CNTNAP3: variants seen among roughly 807,000 people sequenced by gnomAD.
CNTNAP3 encodes the protein contactin associated protein family member 3.
Under a neutral mutation model 92.1 loss-of-function variants are expected in CNTNAP3, and 36 were observed. The observed-to-expected ratio is 0.39, with a 90% CI of 0.30 to 0.52. CNTNAP3 has a LOEUF of 0.52. Ranked by LOEUF, CNTNAP3 falls within the 20% of genes least tolerant of loss-of-function variation. The probability of loss-of-function intolerance (pLI) is 0.76; values close to 1 mark genes in which losing one functional copy is unlikely to be tolerated. For synonymous variants in CNTNAP3, 232 were observed against 422.3 expected (o/e 0.55, Z 5.53); for missense variants, 534 against 1,069.6 (o/e 0.50, Z 6.98).
intron 13 of CNTNAP3, among the ~76,000 whole-genome samples, chr9:39,120,799 T>C (rs1180131249): frequency 1.3e-5 from 2 of 152,154 alleles, no homozygotes; most frequent in African/African-American, 4.8e-5. Context: ...TAACAAAGGA[T>C]TCTTGGAACA....
At chr9:39,255,590 A>G (rs1822838348) in intron 2 of CNTNAP3, among the ~76,000 whole-genome samples, 1 of 66,124 alleles carries the variant, frequency 1.5e-5, no homozygotes, top group African/African-American at 3.2e-5. Flanking sequence ...TCATATACTA[A>G]TTTTTTAATT....
At chr9:39,098,302 A>C (rs1356126704) in intron 18 of CNTNAP3, among the ~76,000 whole-genome samples, 2 of 150,340 alleles carry the variant, frequency 1.3e-5, no homozygotes, top group Admixed American at 6.6e-5. Flanking sequence ...ATACACATAC[A>C]CACACCCCCC....
rs1245361465 is a variant in CNTNAP3, at chr9:39,067,551, C to T, written c.*6339G>A. On this transcript the variant is annotated 3_prime_UTR_variant, in exon 24 of 24. Transcript: ENST00000297668. ...TAGCTGGGACTTCAGGCGCCCAACA[C>T]CACGCCCGGCTAATTTTTGTATGTT... Among the ~76,000 whole-genome samples the T allele has an allele frequency of 4.6e-5, 7 of 152,372 alleles. No homozygotes were observed. Among genetic ancestry groups the T allele is most frequent in the South Asian group, 4.1e-4 (2 of 4,832 alleles).
At chr9:39,083,054 G>C (rs2055492247) in intron 21 of CNTNAP3, among the ~76,000 whole-genome samples, 1 of 142,680 alleles carries the variant, frequency 7.0e-6, no homozygotes, top group Non-Finnish European at 1.5e-5. Flanking sequence ...ATAGGTTGAT[G>C]AATTTTAAAA....
intron 11 of CNTNAP3, among the ~76,000 whole-genome samples, chr9:39,141,519 A>G (rs1390264733): frequency 6.6e-6 from 1 of 152,204 alleles, no homozygotes; most frequent in East Asian, 1.9e-4. Context: ...AACTTTTTTG[A>G]AAGATATCCC....
Position 39,111,505 on chromosome 9 carries a change from A to C in CNTNAP3, c.2238-2218T>G, listed in dbSNP as rs1406744225. ...TATTCATTTTTATGCAAAGAACAGA[A>C]TATGGATTATCTAAAGGCATCACCA... On this transcript the variant is annotated intron_variant, in intron 14 of 23. Coordinates refer to ENST00000297668, the MANE Select transcript of CNTNAP3 (RefSeq NM_033655.5). Among the ~76,000 whole-genome samples, 3 of 151,492 alleles carry C rather than the reference A, an allele frequency of 2.0e-5. 1 individual carries two copies. In the East Asian group the frequency reaches 5.8e-4, roughly 29 times the overall value.
chr9:39,086,162 T>G, intron 20 of CNTNAP3: 1 of 403,406 alleles, frequency 2.5e-6, no homozygotes, highest in Non-Finnish European at 4.6e-6. Context: ...GGAGAAAATC[T>G]GAAACATAAA....
At chr9:39,121,012 G>A (rs1203509183) in intron 13 of CNTNAP3, among the ~76,000 whole-genome samples, 5 of 152,066 alleles carry the variant, frequency 3.3e-5, no homozygotes, top group African/African-American at 9.7e-5. Flanking sequence ...AGATATTTAA[G>A]TTGACTGTGG....
chr9:39,154,816 C>G (rs1450742074), intron 9 of CNTNAP3: 1 of 184,278 alleles, frequency 5.4e-6, no homozygotes, highest in Non-Finnish European at 1.1e-5. Context: ...AGCGCGGCTT[C>G]CGGGAAGGCC....
intron 18 of CNTNAP3, among the ~76,000 whole-genome samples, chr9:39,090,592 G>T (rs1040803179): frequency 6.6e-6 from 1 of 152,302 alleles, no homozygotes; most frequent in African/African-American, 2.4e-5. Context: ...TTTAGTCTTA[G>T]GCCAGTTATA....
intron 13 of CNTNAP3, among the ~76,000 whole-genome samples, chr9:39,130,434 T>TA (rs1402356425): frequency 1.1e-4 from 16 of 150,378 alleles, no homozygotes; most frequent in African/African-American, 1.7e-4. Flanking sequence ...TCTTGAAATT[T>TA]AAAAAAACCC....
intron 15 of CNTNAP3, among the ~76,000 whole-genome samples, chr9:39,104,481 C>CACACACACACAA (rs1826549990): frequency 9.4e-6 from 1 of 106,764 alleles, no homozygotes. Context: ...TACACATACA[C>CACACACACACAA]ACACACACAC....
At chr9:39,100,922 G>T (rs1195912560) in intron 17 of CNTNAP3, among the ~76,000 whole-genome samples, 4 of 150,592 alleles carry the variant, frequency 2.7e-5, no homozygotes, top group African/African-American at 9.8e-5. Flanking sequence ...TCCTCCCAGA[G>T]ATTCCAATTC....
At chr9:39,154,842 A>G (rs1232975883) in intron 9 of CNTNAP3, 3 of 217,622 alleles carry the variant, frequency 1.4e-5, no homozygotes, top group East Asian at 1.6e-4. Flanking sequence ...CTCGGGGAGC[A>G]CCTGCAGGGG....
chr9:39,121,969 C>T (rs1228922492), intron 13 of CNTNAP3, among the ~76,000 whole-genome samples: 1 of 152,128 alleles, frequency 6.6e-6, no homozygotes, highest in African/African-American at 2.4e-5. Flanking sequence ...TCTTTTCTTA[C>T]CCAAGGGAAG....
chr9:39,100,603 T>C (rs1055641501), intron 17 of CNTNAP3, among the ~76,000 whole-genome samples: 1 of 141,864 alleles, frequency 7.0e-6, no homozygotes, highest in Non-Finnish European at 1.6e-5. Flanking sequence ...TAAAAATATA[T>C]ATGGATAATT....
At chr9:39,117,841 G>A (rs993354759) in intron 14 of CNTNAP3, 1 of 540,178 alleles carries the variant, frequency 1.9e-6, no homozygotes, top group Non-Finnish European at 3.1e-6. Flanking sequence ...TTGATTTCCA[G>A]TGAGTGGAAA....
chr9:39,134,481 G>A (rs1382441374), intron 12 of CNTNAP3, among the ~76,000 whole-genome samples: 2 of 151,730 alleles, frequency 1.3e-5, no homozygotes, highest in African/African-American at 4.9e-5. Context: ...CTGGAGTGCA[G>A]TGGCGCTATC....
chr9:39,085,614 T>G (rs1826046881), intron 21 of CNTNAP3, 122 bp downstream of exon 21: 4 of 830,014 alleles, frequency 4.8e-6, no homozygotes, highest in Non-Finnish European at 7.7e-6. Flanking sequence ...GTTTGCACCT[T>G]GATTGTCACT....
Sources: allele counts gnomAD v4.1 joint callset (sites outside exome capture counted in the v4.1 genomes callset), GRCh38; gene constraint gnomAD v4.1.1; transcripts MANE v1.5; gene names NCBI Gene and HGNC (gene_info 2026-07-23, HGNC 2026-07-21).